CTSZ: variants seen among roughly 807,000 people sequenced by gnomAD.
The protein encoded by CTSZ is carboxypeptidase LB.
CTSZ carries 39 observed loss-of-function variants against 32.4 expected under a neutral mutation model. The observed-to-expected ratio is 1.20, with a 90% CI of 0.93 to 1.57. CTSZ has a LOEUF of 1.57. CTSZ is among the 40% of genes most tolerant of loss of function. The pLI is 0.00. For missense variants in CTSZ, 397 were observed against 419.6 expected (o/e 0.95, Z 0.47); for synonymous variants, 168 against 170.1 (o/e 0.99, Z 0.10).
intron 4 of CTSZ, 86 bp downstream of exon 4, chr20:58,997,517 T>G: frequency 1.5e-6 from 2 of 1,343,592 alleles, no homozygotes; most frequent in South Asian, 1.8e-5. Context: ...TCACCGCGGA[T>G]CTCTCCTCAC....
chr20:59,006,956 C>T, intron 1 of CTSZ, 30 bp downstream of exon 1: 1 of 1,399,634 alleles, frequency 7.1e-7, no homozygotes, highest in Non-Finnish European at 9.2e-7. Flanking sequence ...CCTCCCGTCC[C>T]CCCAGGGCTG....
At position 59,006,340 on chromosome 20, in the gene CTSZ, T is replaced by A; in HGVS notation, c.289A>T (p.Ser97Cys). The A allele has an allele frequency of 6.2e-7, 1 of 1,612,058 alleles. No homozygotes were observed. The highest frequency in any genetic ancestry group is 1.1e-5 in the South Asian group (1 of 90,904). Residue 97 changes from serine to cysteine, a missense_variant, in exon 2 of 6, where the codon AGC becomes TGC. Ser to Cys is a moderately radical substitution (Grantham distance 112). Coordinates refer to ENST00000217131, the MANE Select transcript of CTSZ (RefSeq NM_001336.4). ...CACTCACCCGCCATAGCGCTGGTGC[T>A]GGCGTGGGCCCAGCAGGAGCCGCAG... The part of the protein sequence containing the change: ...QYCGSCWAHA[S>C]TSAMADRINI...
intron 5 of CTSZ, 89 bp from the exon 6 acceptor site, chr20:58,995,848 C>T: frequency 8.5e-7 from 1 of 1,176,596 alleles, no homozygotes; most frequent in East Asian, 2.4e-5. Context: ...TGCTTTCTGC[C>T]TCCATCTCTC....
chr20:58,997,161 CAAAAAAAA>C (rs10582096), intron 4 of CTSZ, among the ~76,000 whole-genome samples: 9 of 105,398 alleles, frequency 8.5e-5, no homozygotes, highest in South Asian at 3.2e-4. Context: ...GACTGTGTTT[CAAAAAAAA>C]AAAAAAAAAA....
At position 59,006,456 on chromosome 20, in the gene CTSZ, GA is replaced by G. The variant is rs768543182; in HGVS notation, c.172del (p.Ser58ProfsTer145). On this transcript the variant is annotated frameshift_variant, in exon 2 of 6. Coordinates refer to ENST00000217131, the MANE Select transcript of CTSZ (RefSeq NM_001336.4). LOFTEE classifies it high-confidence loss of function. ...CCAGCTCTTGGGCAGATCCGCTGGG[GA>G]CAGGTACTCATGAGGCCGGGGGTAT... ...STYPRPHEYL[S>X]PADLPKSWDW... 1.2e-6 allele frequency: 2 copies of G among 1,613,750 alleles called. No individual in the cohort carries two copies. Among genetic ancestry groups the G allele is most frequent in the Admixed American group, 1.7e-5 (1 of 60,030 alleles).
chr20:59,001,429 C>A, intron 3 of CTSZ, 36 bp downstream of exon 3: 1 of 1,579,210 alleles, frequency 6.3e-7, no homozygotes, highest in South Asian at 1.1e-5. Flanking sequence ...GAGTGGAGGG[C>A]AGGAGGGTGG....
At chr20:58,999,523 C>T (rs1330991149) in intron 3 of CTSZ, among the ~76,000 whole-genome samples, 2 of 150,734 alleles carry the variant, frequency 1.3e-5, no homozygotes, top group Non-Finnish European at 3.0e-5. Context: ...CCATCTGTCC[C>T]CCTTCTCGAA....
At chr20:58,996,086 A>G (rs975859711) in intron 5 of CTSZ, among the ~76,000 whole-genome samples, 1 of 152,228 alleles carries the variant, frequency 6.6e-6, no homozygotes, top group South Asian at 2.1e-4. Context: ...ACGACATTTC[A>G]TCACCTGCAC....
chr20:59,003,755 T>C (rs1005544445), intron 2 of CTSZ, among the ~76,000 whole-genome samples: 1 of 151,966 alleles, frequency 6.6e-6, no homozygotes, highest in Non-Finnish European at 1.5e-5. Flanking sequence ...TGGGAGAAGC[T>C]ACCTCCCTGC....
chr20:59,007,251 C>T lies in CTSZ; in HGVS notation c.-123G>A. 1 of 1,178,842 alleles carries T rather than the reference C, an allele frequency of 8.5e-7. No homozygotes were observed. The highest frequency in any genetic ancestry group is 1.1e-6 in the Non-Finnish European group (1 of 937,390). 73.0% of individuals were successfully genotyped at this position (1,178,842 alleles called of 1,614,324 possible). On this transcript the variant is annotated 5_prime_UTR_variant, in exon 1 of 6. In the 5' UTR this introduces an upstream ATG that the reference lacks. Transcript: ENST00000217131. ...GGCCCAGCACCCGGCCGACCCCGCA[C>T]TTTGGGCCCCTGCCCCGCCCGGCCC...
At chr20:58,996,874 T>G (rs1176755448) in intron 4 of CTSZ, 73 bp from the exon 5 acceptor site, 13 of 1,542,214 alleles carry the variant, frequency 8.4e-6, no homozygotes, top group African/African-American at 2.7e-5. Context: ...TAATCTGATA[T>G]GGCTGGGCGC....
chr20:58,997,553 G>A (rs779053761), intron 4 of CTSZ, 50 bp downstream of exon 4: 1 of 1,485,890 alleles, frequency 6.7e-7, no homozygotes, highest in Non-Finnish European at 9.0e-7. Context: ...TCACCCGCGG[G>A]ACCTTTCCTC....
chr20:59,002,161 C>G lies in CTSZ; in HGVS notation c.308-517G>C, dbSNP rs1376569982. On this transcript the variant is annotated intron_variant, in intron 2 of 5. Transcript: ENST00000217131. This position sits in a 1 kb window ranked among gnomAD's most constrained non-coding sequence, Gnocchi z 4.1. Reference sequence around the variant, plus strand: ...GGTCCTGAGGGCTGGGGAAGGCCAGCAGGGACCCAGCCCCGAAGGCACTGG... The same window carrying G: ...GGTCCTGAGGGCTGGGGAAGGCCAGGAGGGACCCAGCCCCGAAGGCACTGG... Among the ~76,000 whole-genome samples the G allele has an allele frequency of 6.6e-6, 1 of 152,218 alleles. No homozygotes were observed. Among genetic ancestry groups the G allele is most frequent in the African/African-American group, 2.4e-5 (1 of 41,470 alleles).
rs199710644 is a variant in CTSZ at position 59,001,642 on chromosome 20, G to T, written c.310C>A (p.Arg104=). The T allele has an allele frequency of 6.4e-5, 104 of 1,612,754 alleles. No homozygotes were observed. The highest frequency in any genetic ancestry group is 1.7e-4 in the Admixed American group (10 of 59,952). Residue 104 remains arginine (R), a splice_region_variant and synonymous_variant, in exon 3 of 6, where the codon CGG becomes AGG. Coordinates refer to ENST00000217131, the MANE Select transcript of CTSZ (RefSeq NM_001336.4). The stretch of plus-strand genomic sequence containing the variant: ...GCTCCCTTCCTCTTGATGTTGATCC[G>T]ATCTGCAACAGTCAGCACCTGCCAG... ...AHASTSAMAD[R]INIKRKGAWP...
chr20:58,996,771 A>G lies in CTSZ; in HGVS notation c.669T>C (p.Ala223=), dbSNP rs1282290540. The change falls in exon 5 of 6, where the codon GCT becomes GCC. Residue 223 remains alanine (A), a synonymous_variant. Coordinates refer to ENST00000217131, the MANE Select transcript of CTSZ (RefSeq NM_001336.4). ...SCGIMATERL[A]NYTGGIYAEY... ...CGGCATAGATGCCTCCGGTGTAGTT[A>G]GCCAGTCTTTCTGTTGCCATTATTC... The G allele has an allele frequency of 1.2e-6, 2 of 1,614,182 alleles. No individual in the cohort carries two copies.
intron 1 of CTSZ, 37 bp downstream of exon 1, chr20:59,006,949 C>T: frequency 7.3e-7 from 1 of 1,376,042 alleles, no homozygotes; most frequent in Non-Finnish European, 9.3e-7. Flanking sequence ...CGATGGGCCT[C>T]CCGTCCCCCC....
chr20:59,006,513 C>G, intron 1 of CTSZ, 28 bp from the exon 2 acceptor site: 1 of 1,595,170 alleles, frequency 6.3e-7, no homozygotes, highest in Non-Finnish European at 8.5e-7. Context: ...CCACCCAGAT[C>G]GGTGCTGGGG....
intron 2 of CTSZ, 130 bp from the exon 3 acceptor site, chr20:59,001,774 T>A (rs1206007070): frequency 4.6e-6 from 4 of 865,584 alleles, no homozygotes; most frequent in Non-Finnish European, 7.1e-6. Flanking sequence ...CCCAGCTGCC[T>A]GTGTCTCCTT....
At chr20:58,998,809 G>A (rs1045780002) in intron 3 of CTSZ, among the ~76,000 whole-genome samples, 2 of 152,230 alleles carry the variant, frequency 1.3e-5, no homozygotes, top group East Asian at 1.9e-4. Context: ...GCGGCCCTCG[G>A]CCTGCCATTC....
Sources: gnomAD v4.1 joint callset for allele counts (sites outside exome capture counted in the v4.1 genomes callset) on GRCh38, gnomAD v4.1.1 for gene constraint, Gnocchi (gnomAD v3.1) non-coding constraint, MANE v1.5 for transcripts, NCBI Gene and HGNC (gene_info 2026-07-23, HGNC 2026-07-21) for gene names.